Variants in LAMC2 observed in about 807,000 individuals in gnomAD.
LAMC2 encodes the protein laminin subunit gamma-2.
In LAMC2, 97 loss-of-function variants were observed where a neutral mutation model predicts 140.2. The ratio of observed to expected loss-of-function variants is 0.69; its 90% CI spans 0.59 to 0.82. The LOEUF (loss-of-function observed/expected upper bound fraction) is 0.82, where lower values mean the gene tolerates loss of function less well. Among genes scored for constraint, LAMC2 ranks in the 40% least tolerant of loss-of-function variants. The pLI, the probability that LAMC2 is intolerant of heterozygous loss-of-function variation, is 0.00. For synonymous variants in LAMC2, 513 were observed against 540.2 expected, an observed-to-expected ratio of 0.95 and a Z score of 0.70; for missense variants, 1,402 against 1,476.1, an observed-to-expected ratio of 0.95 and a Z score of 0.82.
Position 183,237,494 on chromosome 1 carries a change from G to T in LAMC2, c.2744G>T (p.Ser915Ile). The T allele has an allele frequency of 6.2e-7, 1 of 1,613,860 alleles. No individual in the cohort carries two copies. The highest frequency in any genetic ancestry group is 8.5e-7 in the Non-Finnish European group (1 of 1,179,748). Residue 915 changes from serine to isoleucine, a missense_variant, in exon 18 of 23, where the codon AGT becomes ATT. Coordinates refer to ENST00000264144, the MANE Select transcript of LAMC2 (RefSeq NM_005562.3). ...CAGCAGCTCTTACAGAATGGAAAAA[G>T]TGGGAGAGAGGTATTCTTTTGTTAA... ...EAQQLLQNGKSGREKSDQLLS... is the reference protein window; with the variant it reads ...EAQQLLQNGKIGREKSDQLLS...
chr1:183,223,856 G>T (rs1476029321), intron 7 of LAMC2, among the ~76,000 whole-genome samples: 1 of 152,180 alleles, frequency 6.6e-6, no homozygotes, highest in East Asian at 1.9e-4. Context: ...GGATGGCTTT[G>T]TGTGTGTCTA....
At chr1:183,189,793 A>C (rs1658269217) in intron 1 of LAMC2, among the ~76,000 whole-genome samples, 1 of 152,234 alleles carries the variant, frequency 6.6e-6, no homozygotes, top group South Asian at 2.1e-4. Context: ...TCAGATATCC[A>C]AATGTGTATA....
intron 2 of LAMC2, among the ~76,000 whole-genome samples, chr1:183,211,197 T>G (rs1218284226): frequency 6.6e-6 from 1 of 152,240 alleles, no homozygotes; most frequent in East Asian, 1.9e-4. Flanking sequence ...GCAACAGGGC[T>G]GAGTTACCTT....
In LAMC2 at chr1:183,207,969, CA is replaced by C; in HGVS notation, c.170del (p.Asn57MetfsTer52). ...GTAATGGATTCCGCTGCCTCAACTGCAATGACAACACTGATGGCATTCACTG... is the reference window on the plus strand; with the variant it reads ...GTAATGGATTCCGCTGCCTCAACTGCATGACAACACTGATGGCATTCACTG... ...TGNGFRCLNC[N>X]DNTDGIHCEK... On this transcript the variant is annotated frameshift_variant, in exon 2 of 23. Coordinates refer to ENST00000264144, the MANE Select transcript of LAMC2 (RefSeq NM_005562.3). LOFTEE classifies it high-confidence loss of function. 6.2e-7 allele frequency: 1 copy of C among 1,613,840 alleles called. No individual in the cohort carries two copies. The highest frequency in any genetic ancestry group is 8.5e-7 in the Non-Finnish European group (1 of 1,179,904).
intron 12 of LAMC2, among the ~76,000 whole-genome samples, chr1:183,231,865 T>C (rs1659809988): frequency 6.6e-6 from 1 of 152,214 alleles, no homozygotes; most frequent in Non-Finnish European, 1.5e-5. Flanking sequence ...GCTTTCACTT[T>C]ACAAATATTA....
intron 7 of LAMC2, among the ~76,000 whole-genome samples, chr1:183,224,673 TACACACACACAC>T (rs3064952): frequency 0.017 from 2,551 of 147,992 alleles, 33 homozygotes; most frequent in Admixed American, 0.026. Context: ...GTTCTAATGA[TACACACACACAC>T]ACACACACAC....
Position 183,217,723 on chromosome 1 carries a change from C to T in LAMC2, c.405-667C>T, listed in dbSNP as rs114124977. On this transcript the variant is annotated intron_variant, in intron 3 of 22. Coordinates refer to ENST00000264144, the MANE Select transcript of LAMC2 (RefSeq NM_005562.3). ...AGACAGAAAGTAGACTGGTGGCTGC[C>T]GAGGGCTGGAGGTGGGACTGGAGGG... Among the ~76,000 whole-genome samples, 474 of 152,124 alleles carry T rather than the reference C, an allele frequency of 3.1e-3. 5 individuals are homozygous for T. Among genetic ancestry groups the T allele is most frequent in the African/African-American group, 0.011 (450 of 41,504 alleles).
rs762377093 is a variant in LAMC2 at position 183,223,247 on chromosome 1, T to A, written c.876T>A (p.Ala292=). The change falls in exon 7 of 23, where the codon GCT becomes GCA. Residue 292 remains alanine, a synonymous_variant. Coordinates refer to ENST00000264144, the MANE Select transcript of LAMC2 (RefSeq NM_005562.3). ...PSAHDVILEG[A]GLRITAPLMP... ...CCCATGATGTGATTCTGGAAGGTGC[T>A]GGTCTACGGATCACAGCTCCCTTGA... 3.7e-6 allele frequency: 6 copies of A among 1,614,224 alleles called. No homozygotes were observed. The highest frequency in any genetic ancestry group is 5.1e-6 in the Non-Finnish European group (6 of 1,180,034).
At chr1:183,240,249 G>C in intron 21 of LAMC2, 43 bp from the exon 22 acceptor site, 1 of 1,614,198 alleles carries the variant, frequency 6.2e-7, no homozygotes, top group Non-Finnish European at 8.5e-7. Context: ...TGCCAAAATG[G>C]AAAATACCTT....
At chr1:183,206,361 C>T (rs1658883143) in intron 1 of LAMC2, among the ~76,000 whole-genome samples, 1 of 152,018 alleles carries the variant, frequency 6.6e-6, no homozygotes, top group African/African-American at 2.4e-5. Context: ...TACGTGGTCA[C>T]CGCTGGGCAC....
intron 22 of LAMC2, chr1:183,240,677 C>T: frequency 7.5e-7 from 1 of 1,326,594 alleles, no homozygotes; most frequent in Non-Finnish European, 9.7e-7. Flanking sequence ...GAACACGAGA[C>T]AGCTTGGGAA....
chr1:183,213,509 C>T (rs1403838748), intron 2 of LAMC2, among the ~76,000 whole-genome samples: 2 of 152,278 alleles, frequency 1.3e-5, no homozygotes, highest in African/African-American at 2.4e-5. Flanking sequence ...ATTACAGATA[C>T]TTAAGATATA....
chr1:183,207,580 G>A (rs762957599), intron 1 of LAMC2, among the ~76,000 whole-genome samples: 1 of 152,186 alleles, frequency 6.6e-6, no homozygotes, highest in Non-Finnish European at 1.5e-5. Flanking sequence ...GCATAAAAAT[G>A]TAATTTAACA....
intron 9 of LAMC2, among the ~76,000 whole-genome samples, chr1:183,227,300 G>A (rs1232764669): frequency 6.6e-6 from 1 of 152,148 alleles, no homozygotes; most frequent in Non-Finnish European, 1.5e-5. Context: ...AAAGAAGTGA[G>A]TGTCTACTTT....
At chr1:183,197,249 T>C (rs547848684) in intron 1 of LAMC2, among the ~76,000 whole-genome samples, 4 of 152,154 alleles carry the variant, frequency 2.6e-5, no homozygotes, top group East Asian at 1.9e-4. Context: ...CAAAATTCAG[T>C]GTTAAATAGG....
intron 14 of LAMC2, 33 bp downstream of exon 14, chr1:183,232,890 A>T (rs1659845259): frequency 6.2e-7 from 1 of 1,601,008 alleles, no homozygotes; most frequent in Admixed American, 1.7e-5. Flanking sequence ...TATTGAGAAT[A>T]CTGCTGTGTT....
intron 1 of LAMC2, among the ~76,000 whole-genome samples, chr1:183,199,108 T>C (rs2102179275): frequency 7.3e-6 from 1 of 136,728 alleles, no homozygotes; most frequent in African/African-American, 2.7e-5. Context: ...TTTTTTTTTT[T>C]TTTTTTTTTT....
chr1:183,189,488 C>T (rs1044391151), intron 1 of LAMC2, among the ~76,000 whole-genome samples: 2 of 152,148 alleles, frequency 1.3e-5, no homozygotes, highest in Non-Finnish European at 2.9e-5. Flanking sequence ...GCTGAGATTG[C>T]ACCACTGCAC....
At chr1:183,197,449 C>G (rs1224042943) in intron 1 of LAMC2, among the ~76,000 whole-genome samples, 1 of 152,016 alleles carries the variant, frequency 6.6e-6, no homozygotes, top group Non-Finnish European at 1.5e-5. Flanking sequence ...GTGAGGTGGG[C>G]AAATCACTTG....
Sources: allele counts gnomAD v4.1 joint callset (sites outside exome capture counted in the v4.1 genomes callset), GRCh38; gene constraint gnomAD v4.1.1; transcripts MANE v1.5; gene names NCBI Gene and HGNC (gene_info 2026-07-23, HGNC 2026-07-21).